WASF1: variants seen among roughly 807,000 people sequenced by gnomAD.
WASF1 encodes the protein actin-binding protein WASF1.
In WASF1, 7 loss-of-function variants were observed where a neutral mutation model predicts 50.5. That is an observed-to-expected ratio of 0.14 (90% confidence interval 0.08 to 0.26). The LOEUF is 0.26. WASF1 is among the 10% of genes least tolerant of loss of function. The pLI, the probability that WASF1 is intolerant of heterozygous loss-of-function variation, is 1.00. For synonymous variants in WASF1, 205 were observed against 244.0 expected (o/e 0.84, Z 1.49); for missense variants, 470 against 694.7 (o/e 0.68, Z 3.64).
chr6:110,174,313 A>T (rs991651051), intron 2 of WASF1, among the ~76,000 whole-genome samples: 7 of 152,042 alleles, frequency 4.6e-5, no homozygotes, highest in Admixed American at 6.6e-5. Context: ...TTTGTTCAAC[A>T]CCTGTTTTTT....
In WASF1 at chr6:110,108,831, T is replaced by C. The variant is rs1279514516; in HGVS notation, c.269-150A>G. ...TATGAATCAGAAACCATATTTTAAA[T>C]GTTCTATCATTATATTTACCCATAT... On this transcript the variant is annotated intron_variant, in intron 5 of 10. Coordinates refer to ENST00000392589, the MANE Select transcript of WASF1 (RefSeq NM_003931.3). The C allele has an allele frequency of 5.9e-6, 4 of 675,854 alleles. No individual in the cohort carries two copies. In the East Asian group the frequency reaches 8.3e-5, roughly 14 times the overall value. 41.9% of individuals were successfully genotyped at this position (675,854 alleles called of 1,614,324 possible).
intron 2 of WASF1, among the ~76,000 whole-genome samples, chr6:110,163,706 G>A (rs943867043): frequency 1.3e-5 from 2 of 151,536 alleles, no homozygotes; most frequent in Admixed American, 6.6e-5. Context: ...ATTCCAGCAA[G>A]TTATTTTGTG....
At chr6:110,160,467 C>T (rs1345021648) in intron 3 of WASF1, among the ~76,000 whole-genome samples, 168 bp downstream of exon 3, 2 of 151,688 alleles carry the variant, frequency 1.3e-5, no homozygotes, top group Admixed American at 1.3e-4. Context: ...AAACCACCAA[C>T]GTTTTCTAAT....
chr6:110,106,870 CTTA>C (rs1773346218), intron 7 of WASF1, among the ~76,000 whole-genome samples: 1 of 152,170 alleles, frequency 6.6e-6, no homozygotes, highest in African/African-American at 2.4e-5. Flanking sequence ...TGCTATGGCA[CTTA>C]TTATGCCCTA....
chr6:110,136,106 G>A (rs145738924), intron 3 of WASF1, among the ~76,000 whole-genome samples: 10,372 of 151,454 alleles, frequency 0.068, 461 homozygotes, highest in African/African-American at 0.13. Context: ...GGATGGTCTC[G>A]ATCTCCTGAC....
At chr6:110,131,908 G>T (rs896875823) in intron 3 of WASF1, among the ~76,000 whole-genome samples, 13 of 152,178 alleles carry the variant, frequency 8.5e-5, no homozygotes, top group African/African-American at 3.1e-4. Flanking sequence ...TTTAGAATAA[G>T]ATTATCAAGT....
chr6:110,144,039 C>T (rs1378784137), intron 3 of WASF1, among the ~76,000 whole-genome samples: 2 of 152,136 alleles, frequency 1.3e-5, no homozygotes, highest in Admixed American at 6.5e-5. Context: ...AATCACCACA[C>T]CGACTTCCAC....
At chr6:110,132,342 T>C (rs1774716681) in intron 3 of WASF1, among the ~76,000 whole-genome samples, 1 of 151,896 alleles carries the variant, frequency 6.6e-6, no homozygotes, top group Non-Finnish European at 1.5e-5. Flanking sequence ...TTTTCTTGCC[T>C]TACCACACTA....
intron 2 of WASF1, among the ~76,000 whole-genome samples, chr6:110,175,121 T>C (rs1439381742): frequency 1.3e-5 from 2 of 152,094 alleles, no homozygotes; most frequent in African/African-American, 4.8e-5. Flanking sequence ...CCGTATTTTA[T>C]GGGGCAATAA....
At chr6:110,106,298 A>T (rs1001532388) in intron 7 of WASF1, among the ~76,000 whole-genome samples, 3 of 152,082 alleles carry the variant, frequency 2.0e-5, no homozygotes, top group Non-Finnish European at 4.4e-5. Context: ...CAAACAAAAC[A>T]CTCCCTACAG....
chr6:110,110,076 T>C (rs916859709), intron 5 of WASF1, among the ~76,000 whole-genome samples: 20 of 152,170 alleles, frequency 1.3e-4, no homozygotes, highest in African/African-American at 4.8e-4. Context: ...AAAAAGTTTT[T>C]CCCCACTATC....
intron 2 of WASF1, among the ~76,000 whole-genome samples, chr6:110,173,346 T>C (rs1002821395): frequency 3.9e-5 from 6 of 152,102 alleles, no homozygotes; most frequent in African/African-American, 1.4e-4. Context: ...TTTGCTGTCA[T>C]CATCATCCAA....
intron 3 of WASF1, among the ~76,000 whole-genome samples, chr6:110,158,861 C>T (rs558561905): frequency 3.3e-5 from 5 of 152,056 alleles, no homozygotes; most frequent in Non-Finnish European, 5.9e-5. Flanking sequence ...TGAATCCTTC[C>T]TTTGCCATGA....
intron 3 of WASF1, among the ~76,000 whole-genome samples, chr6:110,146,588 C>T (rs1775573953): frequency 6.6e-6 from 1 of 151,396 alleles, no homozygotes; most frequent in South Asian, 2.1e-4. Context: ...TATACAAAAC[C>T]ACAGGTCTTT....
chr6:110,108,853 A>G (rs1444422193), intron 5 of WASF1, among the ~76,000 whole-genome samples, 172 bp from the exon 6 acceptor site: 3 of 152,164 alleles, frequency 2.0e-5, no homozygotes, highest in Non-Finnish European at 4.4e-5. Context: ...ATATTTACCC[A>G]TATCATTCTG....
At chr6:110,153,176 C>G (rs1477238882) in intron 3 of WASF1, among the ~76,000 whole-genome samples, 1 of 152,104 alleles carries the variant, frequency 6.6e-6, no homozygotes, top group Non-Finnish European at 1.5e-5. Flanking sequence ...TGGGTAAATA[C>G]TTAGCAGTGG....
At chr6:110,115,047 A>G (rs1343958849) in intron 4 of WASF1, among the ~76,000 whole-genome samples, 3 of 151,508 alleles carry the variant, frequency 2.0e-5, no homozygotes, top group African/African-American at 7.3e-5. Flanking sequence ...AGTCGTGATC[A>G]TGCCACTGTA....
intron 3 of WASF1, among the ~76,000 whole-genome samples, chr6:110,144,558 A>T (rs539051358): frequency 6.6e-6 from 1 of 151,626 alleles, no homozygotes; most frequent in Non-Finnish European, 1.5e-5. Flanking sequence ...TCCTGAATGG[A>T]TATGCCTAGG....
intron 2 of WASF1, among the ~76,000 whole-genome samples, chr6:110,168,896 C>A (rs1358331852): frequency 6.6e-6 from 1 of 152,104 alleles, no homozygotes; most frequent in Admixed American, 6.6e-5. Flanking sequence ...TCATTCTCCT[C>A]TACTTTCAAA....
Sources: gnomAD v4.1 joint callset for allele counts (sites outside exome capture counted in the v4.1 genomes callset) on GRCh38, gnomAD v4.1.1 for gene constraint, MANE v1.5 for transcripts, NCBI Gene and HGNC (gene_info 2026-07-23, HGNC 2026-07-21) for gene names.